The following COPG2 variants were observed in gnomAD, a reference collection of about 807,000 sequenced individuals.
COPG2 encodes coat protein complex I subunit gamma 2, also known as coatomer subunit gamma-2.
COPG2 carries 37 observed loss-of-function variants against 46.3 expected under a neutral mutation model. The ratio of observed to expected loss-of-function variants is 0.80; its 90% CI spans 0.61 to 1.05. COPG2 has a LOEUF of 1.05. Ranked by LOEUF, COPG2 falls within the 50% of genes least tolerant of loss-of-function variation. The probability of loss-of-function intolerance (pLI) is 0.00; values close to 1 mark genes in which losing one functional copy is unlikely to be tolerated. For synonymous variants in COPG2, 159 were observed against 129.7 expected (o/e 1.23, Z -1.53); for missense variants, 427 against 387.8 (o/e 1.10, Z -0.85).
At chr7:130,546,554 AG>A (rs1793446878) in intron 20 of COPG2, among the ~76,000 whole-genome samples, 2 of 152,198 alleles carry the variant, frequency 1.3e-5, no homozygotes, top group Admixed American at 1.3e-4. Context: ...GCTAAAGAAT[AG>A]AAGTAGAGTT....
At chr7:130,660,820 A>C (rs545760835) in intron 4 of COPG2, among the ~76,000 whole-genome samples, 4 of 152,096 alleles carry the variant, frequency 2.6e-5, no homozygotes, top group Admixed American at 1.3e-4. Flanking sequence ...CCTGACTCCA[A>C]ACTTCTTTCA....
At chr7:130,555,659 T>C (rs1393813987) in intron 12 of COPG2, among the ~76,000 whole-genome samples, 1 of 144,680 alleles carries the variant, frequency 6.9e-6, no homozygotes, top group Non-Finnish European at 1.6e-5. Flanking sequence ...AAATACCGTT[T>C]CTACTAAAAA....
At chr7:130,651,496 T>A (rs1364818841) in intron 5 of COPG2, among the ~76,000 whole-genome samples, 3 of 5,822 alleles carry the variant, frequency 5.2e-4, no homozygotes, top group Non-Finnish European at 1.2e-3. Context: ...TTTTTTGTAT[T>A]TTTTTTTTTT....
At chr7:130,635,247 C>T (rs532517405) in intron 5 of COPG2, among the ~76,000 whole-genome samples, 2 of 152,070 alleles carry the variant, frequency 1.3e-5, no homozygotes, top group Non-Finnish European at 2.9e-5. Flanking sequence ...GGAGGAGTCC[C>T]TCTTTTTCTA....
chr7:130,508,729 T>A (rs201102330), intron 20 of COPG2, 70 bp from the exon 21 acceptor site: 132 of 126,570 alleles, frequency 1.0e-3, no homozygotes, highest in Admixed American at 2.5e-3. Context: ...ATTCCATCTG[T>A]ACTCAGCACT....
intron 20 of COPG2, chr7:130,510,169 A>G (rs1176003389): frequency 7.7e-6 from 4 of 520,078 alleles, no homozygotes; most frequent in Non-Finnish European, 3.8e-6. Flanking sequence ...GGTGGGGACT[A>G]TGAAGAATGG....
chr7:130,640,319 G>T (rs1397439791), intron 5 of COPG2, among the ~76,000 whole-genome samples: 1 of 151,740 alleles, frequency 6.6e-6, no homozygotes, highest in Non-Finnish European at 1.5e-5. Flanking sequence ...GAAACTCACT[G>T]TTGCTATATT....
At chr7:130,535,034 C>A (rs1173648643) in intron 20 of COPG2, among the ~76,000 whole-genome samples, 1 of 151,892 alleles carries the variant, frequency 6.6e-6, no homozygotes, top group Non-Finnish European at 1.5e-5. Flanking sequence ...TCCGGAGGAG[C>A]AATAGAAAAC....
At chr7:130,630,034 C>G (rs1025288544) in intron 5 of COPG2, among the ~76,000 whole-genome samples, 1 of 151,842 alleles carries the variant, frequency 6.6e-6, no homozygotes, top group Non-Finnish European at 1.5e-5. Context: ...TCTCTCGCCT[C>G]AGCCTCCCAA....
intron 4 of COPG2, among the ~76,000 whole-genome samples, chr7:130,658,544 C>A (rs1049959056): frequency 2.6e-5 from 4 of 151,530 alleles, no homozygotes; most frequent in African/African-American, 9.7e-5. Flanking sequence ...TGTAAAACTA[C>A]ACTTAAAAAA....
rs782383609 is a variant in COPG2 at position 130,617,081 on chromosome 7, T to C, written c.324-16A>G. On this transcript the variant is annotated splice_polypyrimidine_tract_variant and intron_variant, in intron 5 of 23. Coordinates refer to ENST00000425248, the MANE Select transcript of COPG2 (RefSeq NM_012133.6). The stretch of plus-strand genomic sequence containing the variant: ...TTTAGTCAGACTAAGAAAAATCAAA[T>C]TGGTTAACATAAGATCAATTAAAAT... 10 of 1,557,740 alleles carry C rather than the reference T, an allele frequency of 6.4e-6. No individual in the cohort carries two copies. The highest frequency in any genetic ancestry group is 2.3e-5 in the South Asian group (2 of 88,654).
intron 5 of COPG2, among the ~76,000 whole-genome samples, chr7:130,642,936 G>C (rs1390644898): frequency 6.6e-6 from 1 of 151,982 alleles, no homozygotes; most frequent in African/African-American, 2.4e-5. Flanking sequence ...AGCCTGGGAG[G>C]CGGAGGCTGC....
At chr7:130,654,593 T>C (rs1554459603) in intron 4 of COPG2, among the ~76,000 whole-genome samples, 1 of 152,212 alleles carries the variant, frequency 6.6e-6, no homozygotes, top group Non-Finnish European at 1.5e-5. Flanking sequence ...TATACTCATA[T>C]ACGTATAAGG....
At position 130,539,288 on chromosome 7, in the gene COPG2, G is replaced by A. The variant is rs1190491089; in HGVS notation, c.2149+8386C>T. 2.6e-5 allele frequency among the ~76,000 whole-genome samples: 4 copies of A among 152,030 alleles called. No homozygotes were observed. The East Asian group carries it at 7.7e-4, about 29-fold the overall frequency. On this transcript the variant is annotated intron_variant, in intron 20 of 23. Coordinates refer to ENST00000425248, the MANE Select transcript of COPG2 (RefSeq NM_012133.6). ...GAGATGAAGAAAGGAGGAAGAGGAG[G>A]AAGTGGCGGGACTGGCTGTAGAGTT... is the stretch of plus-strand genomic sequence containing the variant.
At chr7:130,602,697 T>A (rs1001077893) in intron 9 of COPG2, 4 of 152,210 alleles carry the variant, frequency 2.6e-5, no homozygotes, top group Non-Finnish European at 5.9e-5. Flanking sequence ...GGTCTCGAAC[T>A]CCTGACCTCA....
intron 20 of COPG2, among the ~76,000 whole-genome samples, chr7:130,533,094 G>A (rs1394207393): frequency 6.6e-6 from 1 of 152,110 alleles, no homozygotes; most frequent in Non-Finnish European, 1.5e-5. Context: ...TGGGCAAGAA[G>A]AATGAGTTGG....
At chr7:130,518,707 A>T (rs890247522) in intron 20 of COPG2, among the ~76,000 whole-genome samples, 45 of 152,278 alleles carry the variant, frequency 3.0e-4, no homozygotes, top group African/African-American at 1.0e-3. Context: ...AGATATGTAT[A>T]AAAAAGAGTG....
At chr7:130,582,005 T>C (rs1794156365) in intron 9 of COPG2, among the ~76,000 whole-genome samples, 1 of 152,156 alleles carries the variant, frequency 6.6e-6, no homozygotes, top group Non-Finnish European at 1.5e-5. Context: ...TACTTTAAAG[T>C]TCATATGGAA....
chr7:130,552,482 A>G (rs1246182174), intron 14 of COPG2, 52 bp from the exon 15 acceptor site: 3 of 397,970 alleles, frequency 7.5e-6, no homozygotes, highest in Non-Finnish European at 1.3e-5. Context: ...CTCAGAGTTA[A>G]CCAATAACCA....
Sources: gnomAD v4.1 joint callset for allele counts (sites outside exome capture counted in the v4.1 genomes callset) on GRCh38, gnomAD v4.1.1 for gene constraint, MANE v1.5 for transcripts, NCBI Gene and HGNC (gene_info 2026-07-23, HGNC 2026-07-21) for gene names.